Variants in CAMK4 observed in about 807,000 individuals in gnomAD.
The protein encoded by CAMK4 is calcium/calmodulin-dependent protein kinase type IV.
Under a neutral mutation model 44.9 loss-of-function variants are expected in CAMK4, and 22 were observed. The ratio of observed to expected loss-of-function variants is 0.49; its 90% CI spans 0.35 to 0.70. CAMK4 has a LOEUF of 0.70. Ranked by LOEUF, CAMK4 falls within the 30% of genes least tolerant of loss-of-function variation. The pLI is 0.01. For missense variants in CAMK4, 498 were observed against 586.8 expected (o/e 0.85, Z 1.56); for synonymous variants, 218 against 215.4 (o/e 1.01, Z -0.11).
At chr5:111,446,548 C>A in intron 5 of CAMK4, 138 bp from the exon 6 acceptor site, 1 of 561,738 alleles carries the variant, frequency 1.8e-6, no homozygotes, top group South Asian at 2.7e-5. Context: ...AACAGATTTT[C>A]CTTTATGGTA....
intron 5 of CAMK4, among the ~76,000 whole-genome samples, chr5:111,417,497 T>C (rs900595070): frequency 1.3e-5 from 2 of 151,848 alleles, no homozygotes; most frequent in Non-Finnish European, 2.9e-5. Context: ...ATTACAGGCA[T>C]GAGTCACTGT....
In CAMK4 at chr5:111,491,836, T is replaced by C. The variant is rs1264623898; in HGVS notation, c.*7370T>C. ...TCTCATAATATTCTGAAGTAATTTATATCAATTGAATTTTCATTAATCATT... is the reference window on the plus strand; with the variant it reads ...TCTCATAATATTCTGAAGTAATTTACATCAATTGAATTTTCATTAATCATT... On this transcript the variant is annotated 3_prime_UTR_variant, in exon 11 of 11. Coordinates refer to ENST00000282356, the MANE Select transcript of CAMK4 (RefSeq NM_001744.6). 1 of 152,248 alleles carries C rather than the reference T, an allele frequency of 6.6e-6. No individual in the cohort carries two copies. Among genetic ancestry groups the C allele is most frequent in the Non-Finnish European group, 1.5e-5 (1 of 68,046 alleles). The allele number at this position is 152,248 out of a possible 1,614,324, so 9.4% of individuals were successfully genotyped here. A position where few individuals can be genotyped will look rare whatever the true frequency, so the allele number is the denominator to read the frequency against.
intron 1 of CAMK4, among the ~76,000 whole-genome samples, chr5:111,319,834 C>T (rs1044890676): frequency 1.3e-5 from 2 of 149,802 alleles, no homozygotes; most frequent in African/African-American, 5.0e-5. Context: ...TTAATGTTGA[C>T]ATCCAATTAA....
chr5:111,344,630 A>T (rs1348532984), intron 2 of CAMK4, among the ~76,000 whole-genome samples: 3 of 151,734 alleles, frequency 2.0e-5, no homozygotes, highest in African/African-American at 7.3e-5. Flanking sequence ...TTATTGAGTT[A>T]ATTTTTCTGG....
intron 1 of CAMK4, among the ~76,000 whole-genome samples, chr5:111,326,924 T>C (rs1478068628): frequency 6.6e-6 from 1 of 151,996 alleles, no homozygotes; most frequent in East Asian, 1.9e-4. Context: ...AATCGAATTC[T>C]CTGCACATTG....
intron 5 of CAMK4, among the ~76,000 whole-genome samples, chr5:111,424,160 G>T (rs1245589786): frequency 6.6e-6 from 1 of 152,142 alleles, no homozygotes; most frequent in Non-Finnish European, 1.5e-5. Context: ...ACCTAACCAT[G>T]GTAGGAATTC....
intron 1 of CAMK4, among the ~76,000 whole-genome samples, chr5:111,257,227 G>C (rs1315426215): frequency 6.6e-6 from 1 of 152,026 alleles, no homozygotes; most frequent in Admixed American, 6.6e-5. Context: ...CTACAGAATG[G>C]AAGAAAATTT....
intron 7 of CAMK4, among the ~76,000 whole-genome samples, chr5:111,454,673 G>A (rs935556158): frequency 2.7e-5 from 4 of 146,580 alleles, no homozygotes; most frequent in Admixed American, 6.8e-5. Flanking sequence ...AGAAAAAATC[G>A]ATCAGGCCAT....
chr5:111,341,043 A>G (rs1749621288), intron 1 of CAMK4, among the ~76,000 whole-genome samples: 1 of 151,000 alleles, frequency 6.6e-6, no homozygotes, highest in Non-Finnish European at 1.5e-5. Flanking sequence ...ACATTTCTGT[A>G]CTATCAGTTG....
chr5:111,256,871 T>G (rs979656143), intron 1 of CAMK4, among the ~76,000 whole-genome samples: 2 of 152,174 alleles, frequency 1.3e-5, no homozygotes, highest in African/African-American at 4.8e-5. Context: ...GTTTACCACT[T>G]TGGACAGTAA....
At chr5:111,380,969 G>A (rs79466016) in intron 4 of CAMK4, among the ~76,000 whole-genome samples, 1,591 of 152,166 alleles carry the variant, frequency 0.01, 18 homozygotes, top group Non-Finnish European at 0.015. Context: ...TTTAAGCCAG[G>A]GCATTATACC....
intron 1 of CAMK4, among the ~76,000 whole-genome samples, chr5:111,288,800 A>G (rs763817155): frequency 1.1e-4 from 17 of 152,228 alleles, no homozygotes; most frequent in Admixed American, 2.0e-4. Flanking sequence ...AAAATGGTGC[A>G]TTACTGATCA....
At chr5:111,406,253 T>C (rs1752425283) in intron 5 of CAMK4, among the ~76,000 whole-genome samples, 1 of 151,116 alleles carries the variant, frequency 6.6e-6, no homozygotes. Flanking sequence ...AGAGTCTTGC[T>C]CTTGTCACCC....
chr5:111,486,539 AC>A lies in CAMK4; in HGVS notation c.*2074del, dbSNP rs367648856. 1.3e-4 allele frequency: 18 copies of A among 136,306 alleles called. No individual in the cohort carries two copies. The highest frequency in any genetic ancestry group is 4.9e-4 in the African/African-American group (17 of 35,046). The allele number at this position is 136,306 out of a possible 1,614,324, so 8.4% of individuals were successfully genotyped here. A position where few individuals can be genotyped will look rare whatever the true frequency, so the allele number is the denominator to read the frequency against. On this transcript the variant is annotated 3_prime_UTR_variant, in exon 11 of 11. Coordinates refer to ENST00000282356, the MANE Select transcript of CAMK4 (RefSeq NM_001744.6). Reference sequence around the variant, plus strand: ...CACACACACACACACACACACACACACACGTGTTGGAAGAGCAAAGAGAGGG... The same window carrying A: ...CACACACACACACACACACACACACAACGTGTTGGAAGAGCAAAGAGAGGG...
intron 5 of CAMK4, among the ~76,000 whole-genome samples, chr5:111,423,368 A>G (rs1753100391): frequency 6.6e-6 from 1 of 152,234 alleles, no homozygotes; most frequent in East Asian, 1.9e-4. Flanking sequence ...TAAGTTGAAA[A>G]CATAATTTTT....
intron 1 of CAMK4, among the ~76,000 whole-genome samples, chr5:111,258,408 A>T (rs1397928181): frequency 2.0e-5 from 3 of 152,214 alleles, no homozygotes; most frequent in African/African-American, 4.8e-5. Flanking sequence ...ACTGGGAACA[A>T]AAAAGAAGTT....
At chr5:111,392,586 GA>G (rs974488564) in intron 4 of CAMK4, among the ~76,000 whole-genome samples, 1 of 150,994 alleles carries the variant, frequency 6.6e-6, no homozygotes, top group Admixed American at 6.6e-5. Flanking sequence ...CTCCTAAATG[GA>G]AAAAAAATTA....
At chr5:111,276,022 A>C (rs1750746886) in intron 1 of CAMK4, among the ~76,000 whole-genome samples, 1 of 152,306 alleles carries the variant, frequency 6.6e-6, no homozygotes, top group Non-Finnish European at 1.5e-5. Context: ...TTGACAATTC[A>C]GTTTAATTCT....
At chr5:111,355,377 T>A (rs2112783086) in intron 2 of CAMK4, among the ~76,000 whole-genome samples, 1 of 152,256 alleles carries the variant, frequency 6.6e-6, no homozygotes, top group South Asian at 2.1e-4. Flanking sequence ...GCTTTACCAT[T>A]CAAGAATATA....
Sources: gnomAD v4.1 joint callset for allele counts (sites outside exome capture counted in the v4.1 genomes callset) on GRCh38, gnomAD v4.1.1 for gene constraint, MANE v1.5 for transcripts, NCBI Gene and HGNC (gene_info 2026-07-23, HGNC 2026-07-21) for gene names.